The following SMG6 variants were observed in gnomAD, a reference collection of about 807,000 sequenced individuals.
SMG6 encodes SMG6 nonsense mediated mRNA decay factor.
Under a neutral mutation model 142.2 loss-of-function variants are expected in SMG6, and 66 were observed. That is an observed-to-expected ratio of 0.46 (90% CI 0.38 to 0.57). The LOEUF (loss-of-function observed/expected upper bound fraction) is 0.57, where lower values mean the gene tolerates loss of function less well. SMG6 is among the 20% of genes least tolerant of loss of function. The pLI is 0.00. For synonymous variants in SMG6, 779 were observed against 702.4 expected, an observed-to-expected ratio of 1.11 and a Z score of -1.72; for missense variants, 1,793 against 1,832.0, an observed-to-expected ratio of 0.98 and a Z score of 0.39.
At chr17:2,267,556 A>G (rs1477965460) in intron 8 of SMG6, among the ~76,000 whole-genome samples, 1 of 152,022 alleles carries the variant, frequency 6.6e-6, no homozygotes, top group African/African-American at 2.4e-5. Context: ...TTTCTCTGTC[A>G]TGATGATATA....
chr17:2,090,826 A>C (rs1318096843), intron 13 of SMG6, among the ~76,000 whole-genome samples: 3 of 152,196 alleles, frequency 2.0e-5, no homozygotes, highest in Non-Finnish European at 4.4e-5. Flanking sequence ...TGAAACCTTC[A>C]ATCAAACTTT....
At chr17:2,143,377 TA>T (rs2070549899) in intron 13 of SMG6, among the ~76,000 whole-genome samples, 2 of 152,194 alleles carry the variant, frequency 1.3e-5, no homozygotes, top group Admixed American at 1.3e-4. Context: ...AATTACCATA[TA>T]ATGGAATATG....
chr17:2,242,688 TTAA>T (rs1289067867), intron 9 of SMG6, among the ~76,000 whole-genome samples: 4 of 48,668 alleles, frequency 8.2e-5, no homozygotes, highest in African/African-American at 5.1e-4. Flanking sequence ...CTCCATCTCT[TTAA>T]AAAAAAAAAA....
intron 1 of SMG6, among the ~76,000 whole-genome samples, chr17:2,302,517 G>A (rs144772688): frequency 0.012 from 1,784 of 152,308 alleles, 51 homozygotes; most frequent in African/African-American, 0.041. Flanking sequence ...CTCCAGCCTG[G>A]GCGACAGAGC....
chr17:2,270,683 T>G (rs991989755), intron 8 of SMG6, among the ~76,000 whole-genome samples: 5 of 152,194 alleles, frequency 3.3e-5, no homozygotes, highest in Non-Finnish European at 1.5e-5. Context: ...TCAACCTCTA[T>G]TCCCACTAAC....
At chr17:2,277,181 T>TG (rs2074676930) in intron 8 of SMG6, among the ~76,000 whole-genome samples, 1 of 133,974 alleles carries the variant, frequency 7.5e-6, no homozygotes, top group Non-Finnish European at 1.6e-5. Context: ...TATTTTTTTT[T>TG]TTTTTGAGAC....
chr17:2,192,128 G>A (rs2072183030), intron 10 of SMG6, among the ~76,000 whole-genome samples: 1 of 152,270 alleles, frequency 6.6e-6, no homozygotes, highest in African/African-American at 2.4e-5. Context: ...AAATGGGAGT[G>A]AGGCAGGAGG....
intron 6 of SMG6, among the ~76,000 whole-genome samples, chr17:2,289,485 AG>A (rs1218873126): frequency 6.6e-6 from 1 of 152,150 alleles, no homozygotes; most frequent in Non-Finnish European, 1.5e-5. Context: ...TGAGCCCAGG[AG>A]GTCGAGACTG....
At chr17:2,210,002 T>A (rs2072799726) in intron 10 of SMG6, among the ~76,000 whole-genome samples, 2 of 151,996 alleles carry the variant, frequency 1.3e-5, no homozygotes, top group Admixed American at 6.6e-5. Flanking sequence ...TTCCCCCAAA[T>A]CACCGCACCT....
At chr17:2,186,634 G>A (rs1567667929) in intron 12 of SMG6, 29 bp downstream of exon 12, 2 of 1,612,934 alleles carry the variant, frequency 1.2e-6, no homozygotes, top group South Asian at 2.2e-5. Flanking sequence ...CAAGCCAGTG[G>A]TGCTGAAGCA....
intron 13 of SMG6, among the ~76,000 whole-genome samples, chr17:2,139,733 AT>A (rs1362521671): frequency 1.7e-5 from 2 of 118,984 alleles, no homozygotes; most frequent in East Asian, 2.5e-4. Context: ...TAACAAACAA[AT>A]TTTTTTTTTG....
intron 8 of SMG6, among the ~76,000 whole-genome samples, chr17:2,262,236 T>G (rs2074331926): frequency 6.6e-6 from 1 of 152,236 alleles, no homozygotes; most frequent in Non-Finnish European, 1.5e-5. Flanking sequence ...TAAGCCAAGC[T>G]GGGCTTGGCT....
chr17:2,222,309 T>C (rs1476810422), intron 10 of SMG6, among the ~76,000 whole-genome samples: 1 of 151,686 alleles, frequency 6.6e-6, no homozygotes, highest in Non-Finnish European at 1.5e-5. Context: ...AATAGGATGG[T>C]TGGGGCAGGT....
chr17:2,296,163 C>T (rs1213103235), intron 4 of SMG6, among the ~76,000 whole-genome samples: 4 of 152,202 alleles, frequency 2.6e-5, no homozygotes, highest in Admixed American at 6.5e-5. Flanking sequence ...CCAAACTCTT[C>T]GGCATAGCAT....
chr17:2,107,551 T>C (rs2069188100), intron 13 of SMG6, among the ~76,000 whole-genome samples: 1 of 152,180 alleles, frequency 6.6e-6, no homozygotes, highest in Admixed American at 6.5e-5. Flanking sequence ...TCTGGGCCTC[T>C]AGGTAGCTGA....
rs2074547930 is a variant in SMG6, at chr17:2,271,803, C to T, written c.2661+10844G>A. Among the ~76,000 whole-genome samples, 4 of 152,270 alleles carry T rather than the reference C, an allele frequency of 2.6e-5. No individual in the cohort carries two copies. The South Asian group carries it at 8.3e-4, about 32-fold the overall frequency. The stretch of plus-strand genomic sequence containing the variant: ...TGCCCTACTTAACCCAAACCACTGG[C>T]AATTTCCTCCAACTACCAAGACACA... On this transcript the variant is annotated intron_variant, in intron 8 of 18. Coordinates refer to ENST00000263073, the MANE Select transcript of SMG6 (RefSeq NM_017575.5).
At chr17:2,179,082 G>C (rs2071730810) in intron 12 of SMG6, among the ~76,000 whole-genome samples, 1 of 152,174 alleles carries the variant, frequency 6.6e-6, no homozygotes, top group South Asian at 2.1e-4. Context: ...CCGTGGGAGA[G>C]ATCACGTGTG....
intron 8 of SMG6, among the ~76,000 whole-genome samples, chr17:2,257,669 A>G (rs1027982741): frequency 1.3e-5 from 2 of 151,764 alleles, no homozygotes; most frequent in Non-Finnish European, 2.9e-5. Context: ...TATGCTCCCA[A>G]CTCGGGCCTT....
rs552639274 is a variant in SMG6 at position 2,273,759 on chromosome 17, T to G, written c.2661+8888A>C. On this transcript the variant is annotated intron_variant, in intron 8 of 18. Transcript: ENST00000263073. ...TTGCAGTGAGCAGAGATCGCGCCAC[T>G]GCACTCCACCCTGGGCAACAGAGTG... Among the ~76,000 whole-genome samples, 3 of 151,978 alleles carry G rather than the reference T, an allele frequency of 2.0e-5. No individual in the cohort carries two copies. The South Asian group carries it at 6.2e-4, about 31-fold the overall frequency.
Sources: allele counts gnomAD v4.1 joint callset (sites outside exome capture counted in the v4.1 genomes callset), GRCh38; gene constraint gnomAD v4.1.1; transcripts MANE v1.5; gene names NCBI Gene and HGNC (gene_info 2026-07-23, HGNC 2026-07-21).